Variants in DIPK1A observed in about 807,000 individuals in gnomAD.
The protein encoded by DIPK1A is divergent protein kinase domain 1A, also known as family with sequence similarity 69 member A.
In DIPK1A, 27 loss-of-function variants were observed where a neutral mutation model predicts 40.8. The observed-to-expected ratio is 0.66, with a 90% CI of 0.49 to 0.91. DIPK1A has a LOEUF of 0.91. Ranked by LOEUF, DIPK1A falls within the 40% of genes least tolerant of loss-of-function variation. DIPK1A has a pLI of 0.00. For missense variants in DIPK1A, 412 were observed against 505.7 expected, an observed-to-expected ratio of 0.81 and a Z score of 1.78; for synonymous variants, 166 against 171.3, an observed-to-expected ratio of 0.97 and a Z score of 0.24.
At chr1:92,841,924 ATT>A, downstream of DIPK1A, 6 of 1,319,168 alleles carry the variant, frequency 4.5e-6, no homozygotes, top group South Asian at 7.4e-5. Flanking sequence ...AACAGCAACT[ATT>A]TCTGTGTTAA....
At position 92,852,395 on chromosome 1, in the gene DIPK1A, G is replaced by C. The variant is rs189395596; in HGVS notation, c.190-1440C>G. On this transcript the variant is annotated intron_variant, in intron 2 of 4. Coordinates refer to ENST00000370310, the MANE Select transcript of DIPK1A (RefSeq NM_001006605.5). ...TGCCTGTAATCTCAAGTATTCAGGA[G>C]GCTGCGGTGGAAGAGTCGCTTGAAC... 7.9e-5 allele frequency among the ~76,000 whole-genome samples: 12 copies of C among 152,238 alleles called. No homozygotes were observed. In the East Asian group the frequency reaches 2.1e-3, roughly 27 times the overall value.
chr1:92,895,182 C>A (rs1281578811), intron 1 of DIPK1A, among the ~76,000 whole-genome samples: 1 of 151,786 alleles, frequency 6.6e-6, no homozygotes, highest in Non-Finnish European at 1.5e-5. Flanking sequence ...GATACCAAAG[C>A]CTGGCAGAGA....
chr1:92,909,136 A>C (rs1649735368), intron 1 of DIPK1A, among the ~76,000 whole-genome samples: 1 of 152,220 alleles, frequency 6.6e-6, no homozygotes, highest in African/African-American at 2.4e-5. Context: ...TGCTACACTA[A>C]AACTCTTTTC....
chr1:92,912,321 A>C (rs1191568185), intron 1 of DIPK1A, among the ~76,000 whole-genome samples: 1 of 152,104 alleles, frequency 6.6e-6, no homozygotes, highest in African/African-American at 2.4e-5. Flanking sequence ...TTAACACTAA[A>C]GTTGTGATAG....
At chr1:92,956,517 G>C (rs920157255) in intron 1 of DIPK1A, among the ~76,000 whole-genome samples, 1 of 152,158 alleles carries the variant, frequency 6.6e-6, no homozygotes, top group Non-Finnish European at 1.5e-5. Flanking sequence ...GGAGGATAGA[G>C]AACAACCATA....
At chr1:92,919,806 G>T (rs1287111803) in intron 1 of DIPK1A, among the ~76,000 whole-genome samples, 1 of 152,118 alleles carries the variant, frequency 6.6e-6, no homozygotes, top group Non-Finnish European at 1.5e-5. Context: ...TATATCTAAG[G>T]GACAAGGCAG....
intron 1 of DIPK1A, among the ~76,000 whole-genome samples, chr1:92,904,764 C>T (rs1649542473): frequency 6.6e-6 from 1 of 152,080 alleles, no homozygotes; most frequent in Middle Eastern, 3.4e-3. Flanking sequence ...TTCATTCTAA[C>T]TATATTTTCA....
chr1:92,940,530 A>G (rs1009052518), intron 1 of DIPK1A, among the ~76,000 whole-genome samples: 5 of 152,192 alleles, frequency 3.3e-5, no homozygotes, highest in Admixed American at 3.3e-4. Flanking sequence ...ACTACCTCTG[A>G]TATTTAAGAT....
chr1:92,897,032 T>C (rs1426044145), intron 1 of DIPK1A, among the ~76,000 whole-genome samples: 2 of 151,530 alleles, frequency 1.3e-5, no homozygotes, highest in African/African-American at 2.4e-5. Context: ...TGTGGAGAAA[T>C]AGGAACACTT....
chr1:92,857,585 GT>G (rs1489994161), intron 2 of DIPK1A, among the ~76,000 whole-genome samples: 1 of 152,150 alleles, frequency 6.6e-6, no homozygotes, highest in African/African-American at 2.4e-5. Flanking sequence ...GCCTCCCAAA[GT>G]GCTTGGGATT....
intron 1 of DIPK1A, among the ~76,000 whole-genome samples, chr1:92,928,846 C>A (rs1650623685): frequency 6.6e-6 from 1 of 152,184 alleles, no homozygotes; most frequent in Non-Finnish European, 1.5e-5. Flanking sequence ...CTTGTAATCC[C>A]AGCTACTCAG....
At chr1:92,855,313 G>A (rs976033656) in intron 2 of DIPK1A, among the ~76,000 whole-genome samples, 11 of 151,900 alleles carry the variant, frequency 7.2e-5, no homozygotes, top group South Asian at 2.1e-4. Context: ...AAATTTAAAC[G>A]CAATGACGAA....
downstream of DIPK1A, among the ~76,000 whole-genome samples, chr1:92,839,783 G>GT (rs1687278668): frequency 6.6e-6 from 1 of 152,174 alleles, no homozygotes; most frequent in African/African-American, 2.4e-5. Context: ...TTGATTTAGA[G>GT]TGACTCAAGA....
intron 1 of DIPK1A, among the ~76,000 whole-genome samples, chr1:92,885,930 T>A (rs1399879518): frequency 6.6e-6 from 1 of 152,196 alleles, no homozygotes; most frequent in East Asian, 1.9e-4. Flanking sequence ...GTATTATATT[T>A]TAAGAAAAAT....
Position 92,881,260 on chromosome 1 carries a change from C to CT in DIPK1A, c.55-4831dup, listed in dbSNP as rs369932272. 2.7e-3 allele frequency among the ~76,000 whole-genome samples: 387 copies of CT among 142,058 alleles called. 2 individuals are homozygous for CT. The highest frequency in any genetic ancestry group is 9.5e-3 in the African/African-American group (363 of 38,290). 93.2% of individuals were successfully genotyped at this position (142,058 alleles called of 152,430 possible). The stretch of plus-strand genomic sequence containing the variant: ...TCATAAACATGTAAAGCACAAAGTC[C>CT]TTTTACTTTACCCCTAAATACTCCA... On this transcript the variant is annotated intron_variant, in intron 1 of 4. Coordinates refer to ENST00000370310, the MANE Select transcript of DIPK1A (RefSeq NM_001006605.5).
intron 1 of DIPK1A, among the ~76,000 whole-genome samples, chr1:92,879,185 A>G (rs1404505329): frequency 6.6e-6 from 1 of 152,176 alleles, no homozygotes; most frequent in African/African-American, 2.4e-5. Context: ...GTTGCAAAAA[A>G]AGAGAGAAAT....
chr1:92,874,132 A>G (rs1330487090), intron 2 of DIPK1A, among the ~76,000 whole-genome samples: 1 of 152,236 alleles, frequency 6.6e-6, no homozygotes, highest in African/African-American at 2.4e-5. Context: ...AAATTATGCT[A>G]GAATTATGTT....
chr1:92,902,129 G>C (rs548500540), intron 1 of DIPK1A, among the ~76,000 whole-genome samples: 7 of 152,264 alleles, frequency 4.6e-5, no homozygotes, highest in African/African-American at 1.7e-4. Context: ...TAGGTACCGA[G>C]GTGTGTGACC....
chr1:92,930,333 T>C (rs1650695742), intron 1 of DIPK1A, among the ~76,000 whole-genome samples: 1 of 152,236 alleles, frequency 6.6e-6, no homozygotes, highest in South Asian at 2.1e-4. Flanking sequence ...ATTTTGGCTT[T>C]AGCTCTCTTT....
Sources: gnomAD v4.1 joint callset for allele counts (sites outside exome capture counted in the v4.1 genomes callset) on GRCh38, gnomAD v4.1.1 for gene constraint, MANE v1.5 for transcripts, NCBI Gene and HGNC (gene_info 2026-07-23, HGNC 2026-07-21) for gene names.